SORCS3: variants seen among roughly 807,000 people sequenced by gnomAD.
SORCS3 encodes sortilin related VPS10 domain containing receptor 3, also known as VPS10 domain-containing receptor SorCS3.
SORCS3 carries 57 observed loss-of-function variants against 146.3 expected under a neutral mutation model. That is an observed-to-expected ratio of 0.39 (90% CI 0.31 to 0.49). The LOEUF (loss-of-function observed/expected upper bound fraction) is 0.49. Among genes scored for constraint, SORCS3 ranks in the 20% least tolerant of loss-of-function variants. The pLI, the probability that SORCS3 is intolerant of heterozygous loss-of-function variation, is 0.92. For missense variants in SORCS3, 1,341 were observed against 1,575.5 expected (o/e 0.85, Z 2.52); for synonymous variants, 653 against 618.5 (o/e 1.06, Z -0.83).
chr10:104,842,258 T>C (rs1002052711), intron 1 of SORCS3, among the ~76,000 whole-genome samples: 2 of 152,220 alleles, frequency 1.3e-5, no homozygotes, highest in Non-Finnish European at 2.9e-5. Flanking sequence ...TCAGGGGATG[T>C]TGGGGAAGTA....
chr10:104,981,541 T>G (rs931332985), intron 4 of SORCS3, among the ~76,000 whole-genome samples: 10 of 152,196 alleles, frequency 6.6e-5, no homozygotes, highest in Non-Finnish European at 1.0e-4. Flanking sequence ...TACACTGTGA[T>G]GTGTTTAGAT....
chr10:104,994,519 A>G (rs10884077), intron 4 of SORCS3, among the ~76,000 whole-genome samples: 27,229 of 152,162 alleles, frequency 0.18, 2,515 homozygotes, highest in South Asian at 0.26. Context: ...GAATACACCC[A>G]TGCAGTCATC....
intron 1 of SORCS3, among the ~76,000 whole-genome samples, chr10:104,728,251 T>C (rs1338414635): frequency 6.6e-6 from 1 of 152,182 alleles, no homozygotes; most frequent in African/African-American, 2.4e-5. Flanking sequence ...GAATTTCTGC[T>C]TCTAAGATTA....
chr10:105,218,587 G>A (rs2056678849), intron 19 of SORCS3, among the ~76,000 whole-genome samples: 1 of 152,216 alleles, frequency 6.6e-6, no homozygotes, highest in Non-Finnish European at 1.5e-5. Context: ...CAGAAACCCA[G>A]GTGGGTGATG....
intron 2 of SORCS3, among the ~76,000 whole-genome samples, chr10:104,867,785 A>G (rs1332022253): frequency 6.6e-6 from 1 of 152,188 alleles, no homozygotes; most frequent in East Asian, 1.9e-4. Flanking sequence ...GGCATGCATG[A>G]TCATCAGCTA....
intron 2 of SORCS3, among the ~76,000 whole-genome samples, chr10:104,877,425 C>G (rs1251692685): frequency 1.3e-5 from 2 of 152,106 alleles, no homozygotes; most frequent in Non-Finnish European, 2.9e-5. Context: ...AAAGTGGATA[C>G]ACTTACAGTG....
At chr10:105,233,296 A>T (rs1259382244) in intron 20 of SORCS3, among the ~76,000 whole-genome samples, 1 of 152,152 alleles carries the variant, frequency 6.6e-6, no homozygotes, top group Non-Finnish European at 1.5e-5. Flanking sequence ...TTTCACTTGT[A>T]TGTAAACATA....
At chr10:104,692,071 C>T (rs2016120228) in intron 1 of SORCS3, among the ~76,000 whole-genome samples, 1 of 152,126 alleles carries the variant, frequency 6.6e-6, no homozygotes, top group African/African-American at 2.4e-5. Context: ...GGTTAGGTAA[C>T]TGTCTATAGG....
At chr10:105,201,343 A>G in intron 16 of SORCS3, 90 bp downstream of exon 16, 1 of 1,459,926 alleles carries the variant, frequency 6.8e-7, no homozygotes, top group Admixed American at 2.2e-5. Context: ...TAGGAGAGGA[A>G]GCATGACGCA....
chr10:104,934,437 A>G (rs952143052), intron 3 of SORCS3, among the ~76,000 whole-genome samples: 2 of 152,222 alleles, frequency 1.3e-5, no homozygotes, highest in East Asian at 1.9e-4. Context: ...GAGCAGGGAC[A>G]GTATCTTGTA....
intron 3 of SORCS3, among the ~76,000 whole-genome samples, chr10:104,931,173 G>C (rs117020165): frequency 5.0e-3 from 757 of 152,242 alleles, no homozygotes; most frequent in Non-Finnish European, 7.8e-3. Flanking sequence ...TGAGTCTCAG[G>C]GGGGGAGTCC....
At chr10:104,671,996 G>GAGTTAAAGAGCTTCCC (rs1296983018) in intron 1 of SORCS3, among the ~76,000 whole-genome samples, 5 of 151,988 alleles carry the variant, frequency 3.3e-5, no homozygotes, top group African/African-American at 1.2e-4. Context: ...TTCATAGAAT[G>GAGTTAAAGAGCTTCCC]AGTTAAAGAG....
At chr10:104,740,351 C>A (rs1170229861) in intron 1 of SORCS3, among the ~76,000 whole-genome samples, 2 of 152,212 alleles carry the variant, frequency 1.3e-5, no homozygotes, top group Admixed American at 6.5e-5. Context: ...AGGAAGTTAT[C>A]TGGATCAGAT....
chr10:105,236,106 T>C (rs748677018), intron 20 of SORCS3, among the ~76,000 whole-genome samples: 1 of 152,110 alleles, frequency 6.6e-6, no homozygotes, highest in African/African-American at 2.4e-5. Flanking sequence ...TCCGTATAGA[T>C]GACTAATGCA....
intron 1 of SORCS3, among the ~76,000 whole-genome samples, chr10:104,701,917 G>T (rs111915622): frequency 2.6e-5 from 4 of 152,060 alleles, no homozygotes; most frequent in Admixed American, 2.6e-4. Flanking sequence ...TTGTTATTAT[G>T]TGAGTTTGTG....
intron 20 of SORCS3, among the ~76,000 whole-genome samples, chr10:105,230,047 C>T (rs1410398922): frequency 6.6e-6 from 1 of 152,086 alleles, no homozygotes; most frequent in African/African-American, 2.4e-5. Flanking sequence ...TGGGTGCCAG[C>T]TCTGGTGGTA....
intron 4 of SORCS3, among the ~76,000 whole-genome samples, chr10:105,032,567 T>C (rs1388268193): frequency 6.6e-6 from 1 of 152,210 alleles, no homozygotes; most frequent in African/African-American, 2.4e-5. Context: ...GATATTTAAA[T>C]GTCCTTCTGG....
At chr10:104,739,316 G>T (rs2016813753) in intron 1 of SORCS3, among the ~76,000 whole-genome samples, 1 of 152,154 alleles carries the variant, frequency 6.6e-6, no homozygotes, top group Admixed American at 6.5e-5. Context: ...TTCAAAATAG[G>T]TCAGGCAAAT....
At chr10:104,997,218 T>C (rs561130750) in intron 4 of SORCS3, among the ~76,000 whole-genome samples, 1 of 152,294 alleles carries the variant, frequency 6.6e-6, no homozygotes, top group African/African-American at 2.4e-5. Context: ...GACAGGAAAC[T>C]ATTTCTTTTA....
Sources: allele counts gnomAD v4.1 joint callset (sites outside exome capture counted in the v4.1 genomes callset), GRCh38; gene constraint gnomAD v4.1.1; transcripts MANE v1.5; gene names NCBI Gene and HGNC (gene_info 2026-07-23, HGNC 2026-07-21).